L1CAM: variants seen among roughly 807,000 people sequenced by gnomAD.
L1CAM encodes the protein L1 cell adhesion molecule.
In L1CAM, 8 loss-of-function variants were observed where a neutral mutation model predicts 93.0. The observed-to-expected ratio is 0.09, with a 90% CI of 0.05 to 0.16. The LOEUF (loss-of-function observed/expected upper bound fraction) is 0.16, where lower values mean the gene tolerates loss of function less well. Among genes scored for constraint, L1CAM ranks in the 10% least tolerant of loss-of-function variants. The probability of loss-of-function intolerance (pLI) is 1.00; values close to 1 mark genes in which losing one functional copy is unlikely to be tolerated. For synonymous variants in L1CAM, 453 were observed against 453.0 expected, an observed-to-expected ratio of 1.00 and a Z score of 0.00; for missense variants, 777 against 1,073.4, an observed-to-expected ratio of 0.72 and a Z score of 3.86.
At chrX:153,872,782 C>G in intron 3 of L1CAM, 85 bp from the exon 4 acceptor site, 1 of 812,578 alleles carries the variant, frequency 1.2e-6, no homozygotes, top group Non-Finnish European at 1.9e-6. Context: ...GTGAGGGAAG[C>G]AGGGTCCAGA....
chrX:153,867,656 C>A, intron 16 of L1CAM, 103 bp from the exon 17 acceptor site: 1 of 957,097 alleles, frequency 1.0e-6, no homozygotes, highest in Non-Finnish European at 1.5e-6. Context: ...CCCAGGCCAA[C>A]TGGCATCTCC....
chrX:153,873,302 C>T, intron 2 of L1CAM, 60 bp from the exon 3 acceptor site: 1 of 1,099,428 alleles, frequency 9.1e-7, no homozygotes, highest in Non-Finnish European at 1.3e-6. Flanking sequence ...CAGGCAGCCC[C>T]AGAGTGGGGC....
In L1CAM at chrX:153,865,496, G is replaced by A. The variant is rs782419777; in HGVS notation, c.2552C>T (p.Thr851Met). ...CCTCTGACTGCCCTCCCTCCAGTACGTCACCTGCACAAGCGAACAGGAGAC... is the reference window on the plus strand; with the variant it reads ...CCTCTGACTGCCCTCCCTCCAGTACATCACCTGCACAAGCGAACAGGAGAC... ...VKGHLRGYNV[T>M]YWREGSQRKH... The change falls in exon 21 of 29, where the codon ACG becomes ATG. Residue 851 changes from threonine to methionine, a missense_variant. Transcript: ENST00000370060. 37 of 1,208,126 alleles carry A rather than the reference G, an allele frequency of 3.1e-5. No homozygotes were observed. The Admixed American group carries it at 6.3e-4, about 21-fold the overall frequency.
intron 2 of L1CAM, among the ~76,000 whole-genome samples, chrX:153,875,074 T>TA (rs1259612213): frequency 5.4e-5 from 6 of 111,671 alleles, no homozygotes; most frequent in African/African-American, 2.0e-4. Flanking sequence ...ATACACAGTG[T>TA]ATCCATGCTT....
At chrX:153,884,464 G>A (rs1300725664) in intron 1 of L1CAM, 2 of 239,840 alleles carry the variant, frequency 8.3e-6, no homozygotes, top group African/African-American at 5.7e-5. Flanking sequence ...GATCACTAGC[G>A]ATTCTTAATT....
intron 20 of L1CAM, 58 bp from the exon 21 acceptor site, chrX:153,865,558 C>T (rs981623902): frequency 8.6e-5 from 94 of 1,095,627 alleles, no homozygotes; most frequent in Admixed American, 1.1e-4. Flanking sequence ...GGGCCCCCAG[C>T]GCACACCCCC....
At position 153,861,759 on chromosome X, in the gene L1CAM, T is replaced by A. The variant is rs199897260; in HGVS notation, c.*904A>T. On this transcript the variant is annotated 3_prime_UTR_variant, in exon 29 of 29. Coordinates refer to ENST00000370060, the MANE Select transcript of L1CAM (RefSeq NM_001278116.2). ...TAGAAACCACCTAGGGACTCAGACA[T>A]CTGCCTACACACTAGTGGCGTAAAG... 9.1e-6 allele frequency: 1 copy of A among 109,730 alleles called. No homozygotes were observed. The highest frequency in any genetic ancestry group is 1.9e-5 in the Non-Finnish European group (1 of 52,674). 9.0% of individuals were successfully genotyped at this position (109,730 alleles called of 1,213,427 possible). A position where few individuals can be genotyped will look rare whatever the true frequency, so the allele number is the denominator to read the frequency against.
chrX:153,863,873 C>T lies in L1CAM; in HGVS notation c.3457+10G>A. 1 of 1,212,179 alleles carries T rather than the reference C, an allele frequency of 8.2e-7. No homozygotes were observed. Among genetic ancestry groups the T allele is most frequent in the Non-Finnish European group, 1.1e-6 (1 of 895,476 alleles). On this transcript the variant is annotated intron_variant, in intron 26 of 28. Transcript: ENST00000370060. Reference sequence around the variant, plus strand: ...GGCTCCACCCCCGTCACGTGGGGCTCAGAGGCTACCTGAGTATTTGCCGCC... The same window carrying T: ...GGCTCCACCCCCGTCACGTGGGGCTTAGAGGCTACCTGAGTATTTGCCGCC...
chrX:153,882,631 C>T (rs1028543433), intron 1 of L1CAM, among the ~76,000 whole-genome samples: 4 of 110,117 alleles, frequency 3.6e-5, no homozygotes, highest in African/African-American at 1.3e-4. Context: ...GGACTCAGTC[C>T]CTTTCCCTCA....
chrX:153,865,440 G>A lies in L1CAM; in HGVS notation c.2608C>T (p.His870Tyr), dbSNP rs1557090599. 1.7e-6 allele frequency: 2 copies of A among 1,210,819 alleles called. No homozygotes were observed. The highest frequency in any genetic ancestry group is 3.5e-5 in the South Asian group (2 of 56,994). ...GTGGTGTTGGCGGGCACCACCACAT[G>A]GTCTTTGTGGATATGTCTCTTGCTG... ...KHSKRHIHKDHVVVPANTTSV... is the reference protein window; with the variant it reads ...KHSKRHIHKDYVVVPANTTSV... Residue 870 changes from histidine (H) to tyrosine (Y), a missense_variant, in exon 21 of 29, where the codon CAT becomes TAT. By Grantham distance (83) the His-to-Tyr change is moderately conservative (BLOSUM62 2). This residue lies in a region of L1CAM where 574 missense variants were observed against 781.0 expected (regional missense o/e 0.73). Transcript: ENST00000370060.
At chrX:153,868,483 A>C in intron 13 of L1CAM, 25 bp from the exon 14 acceptor site, 3 of 1,211,875 alleles carry the variant, frequency 2.5e-6, no homozygotes, top group Non-Finnish European at 3.4e-6. Context: ...TGCGTGGGGA[A>C]GTCACTCTGT....
At position 153,872,338 on chromosome X, in the gene L1CAM, C is replaced by T. The variant is rs1557093462; in HGVS notation, c.214G>A (p.Asp72Asn). Residue 72 changes from aspartate to asparagine, a missense_variant, in exon 5 of 29, where the codon GAT (aspartate) becomes AAT (asparagine). Asp to Asn is a conservative substitution (Grantham distance 23, BLOSUM62 1). Transcript: ENST00000370060. ...TCCTTGGGTTTGAAGTGGACACCAT[C>T]CCTCGTCCAGCGGAACCTGTGGGCG... ...KPEVQFRWTR[D>N]GVHFKPKEEL... is the part of the protein sequence containing the mutation. 1 of 1,208,770 alleles carries T rather than the reference C, an allele frequency of 8.3e-7. No individual in the cohort carries two copies. The highest frequency in any genetic ancestry group is 2.2e-5 in the Admixed American group (1 of 45,537).
chrX:153,870,231 G>A lies in L1CAM; in HGVS notation c.816C>T (p.Pro272=), dbSNP rs1159767069. The change falls in exon 9 of 29, where the codon CCC becomes CCT. Residue 272 remains proline, a synonymous_variant. Coordinates refer to ENST00000370060, the MANE Select transcript of L1CAM (RefSeq NM_001278116.2). ...LECIAEGFPT[P]TIKWLRPSGP... ...CACTGGGGCGCAGCCATTTGATGGT[G>A]GGCGTGGGACTGCCCGGGAGGCAAA... 26 of 1,209,726 alleles carry A rather than the reference G, an allele frequency of 2.1e-5. No homozygotes were observed. The highest frequency in any genetic ancestry group is 2.8e-5 in the Non-Finnish European group (25 of 894,703).
rs1603273435 is a variant in L1CAM at position 153,862,611 on chromosome X, A to G, written c.*52T>C. The stretch of plus-strand genomic sequence containing the variant: ...CCTCCCATGGGCCTGCTGGAGAGGG[A>G]GGGGCCTGGATCCCAAGGCCAGGGG... On this transcript the variant is annotated 3_prime_UTR_variant, in exon 29 of 29. Transcript: ENST00000370060. 3 of 995,978 alleles carry G rather than the reference A, an allele frequency of 3.0e-6. No individual in the cohort carries two copies. Among genetic ancestry groups the G allele is most frequent in the Middle Eastern group, 2.7e-4 (1 of 3,724 alleles). The allele number at this position is 995,978 out of a possible 1,213,427, so 82.1% of individuals were successfully genotyped here. A position where few individuals can be genotyped will look rare whatever the true frequency, so the allele number is the denominator to read the frequency against.
chrX:153,868,995 C>A (rs2064742494), intron 11 of L1CAM, 43 bp from the exon 12 acceptor site: 1 of 1,068,902 alleles, frequency 9.4e-7, no homozygotes, highest in African/African-American at 1.8e-5. Flanking sequence ...GGACTTGGGA[C>A]CACAGCTGGG....
intron 13 of L1CAM, 26 bp from the exon 14 acceptor site, chrX:153,868,484 G>A (rs2064736210): frequency 8.3e-7 from 1 of 1,210,735 alleles, no homozygotes; most frequent in Non-Finnish European, 1.1e-6. Flanking sequence ...GCGTGGGGAA[G>A]TCACTCTGTT....
Position 153,872,183 on chromosome X carries a change from G to A in L1CAM, c.369C>T (p.Ala123=). The change falls in exon 5 of 29, where the codon GCC becomes GCT. Residue 123 remains alanine, a synonymous_variant. Transcript: ENST00000370060. ...CCATGAGCCGGATCTCATGGGACAT[G>A]GCGGTGCCCAGCTTATTGCTGGCAA... ...RCFASNKLGT[A]MSHEIRLMAE... 8.3e-7 allele frequency: 1 copy of A among 1,207,032 alleles called. No individual in the cohort carries two copies. Among genetic ancestry groups the A allele is most frequent in the East Asian group, 3.0e-5 (1 of 33,667 alleles).
chrX:153,864,016 G>A lies in L1CAM; in HGVS notation c.3324C>T (p.Gly1108=). The change falls in exon 26 of 29, where the codon GGC becomes GGT. Residue 1108 remains glycine, a splice_region_variant and synonymous_variant. Transcript: ENST00000370060. ...AGCCAGCAGGAGGGAGCCTCACGCG[G>A]CCTGAGGGTGAGACACCAGCCCCCC... The part of the protein sequence containing the change: ...HQMAVKTNGT[G]RVRLPPAGFA... The A allele has an allele frequency of 1.7e-6, 2 of 1,211,897 alleles. No homozygotes were observed. The highest frequency in any genetic ancestry group is 2.2e-6 in the Non-Finnish European group (2 of 895,348).
At chrX:153,876,358 C>T in intron 1 of L1CAM, 1 of 193,766 alleles carries the variant, frequency 5.2e-6, no homozygotes. Flanking sequence ...GCTGGTATTT[C>T]TGTGGTGTGT....
Sources: allele counts gnomAD v4.1 joint callset (sites outside exome capture counted in the v4.1 genomes callset), GRCh38; gene constraint gnomAD v4.1.1; regional missense constraint gnomAD v4.1.1; transcripts MANE v1.5; gene names NCBI Gene and HGNC (gene_info 2026-07-23, HGNC 2026-07-21).